ADPRHL1: variants seen among roughly 807,000 people sequenced by gnomAD.
ADPRHL1 encodes ADP-ribosylhydrolase like 1.
Under a neutral mutation model 44.1 loss-of-function variants are expected in ADPRHL1, and 43 were observed. The ratio of observed to expected loss-of-function variants is 0.98; its 90% confidence interval spans 0.76 to 1.26. The LOEUF is 1.26. ADPRHL1 is among the 50% of genes most tolerant of loss of function. The pLI, the probability that ADPRHL1 is intolerant of heterozygous loss-of-function variation, is 0.00. For synonymous variants in ADPRHL1, 878 were observed against 1,017.4 expected (o/e 0.86, Z 2.61); for missense variants, 2,022 against 2,496.9 (o/e 0.81, Z 4.05).
intron 7 of ADPRHL1, among the ~76,000 whole-genome samples, chr13:113,415,620 G>A (rs1277444002): frequency 2.0e-5 from 3 of 152,052 alleles, no homozygotes; most frequent in Admixed American, 6.6e-5. Flanking sequence ...GCACAGTGGT[G>A]TGTACCTGTA....
Position 113,406,133 on chromosome 13 carries a change from G to A in ADPRHL1, c.3149C>T (p.Thr1050Met), listed in dbSNP as rs1319416089. 16 of 1,232,140 alleles carry A rather than the reference G, an allele frequency of 1.3e-5. No homozygotes were observed. In the East Asian group the frequency reaches 3.5e-4, roughly 27 times the overall value. 76.3% of individuals were successfully genotyped at this position (1,232,140 alleles called of 1,614,324 possible). The stretch of plus-strand genomic sequence containing the variant: ...CATCGGGGTGACACCCTCAGGCCCC[G>A]TACGCCCCTTGGATGATGCCGCCAG... Reference protein sequence around the residue: ...TSLAASSKGRTGPEGVTPMGM... With the variant: ...TSLAASSKGRMGPEGVTPMGM... The change falls in exon 8 of 8, where the codon ACG (threonine) becomes ATG (methionine). Residue 1050 changes from threonine (T) to methionine (M), a missense_variant. Transcript: ENST00000612156.
chr13:113,431,830 C>A (rs1278933884), intron 3 of ADPRHL1, among the ~76,000 whole-genome samples: 1 of 151,684 alleles, frequency 6.6e-6, no homozygotes. Context: ...ATTCTCCTGC[C>A]TCAGCCTCCT....
At position 113,412,303 on chromosome 13, in the gene ADPRHL1, G is replaced by C. The variant is rs143504074; in HGVS notation, c.1062-4083C>G. ...CAGCATTCTCCTGCCTCAGCCTCCC[G>C]AGTAGCTGGGACTACAGGCGCCCGC... On this transcript the variant is annotated intron_variant, in intron 7 of 7. Transcript: ENST00000612156. 9.6e-3 allele frequency among the ~76,000 whole-genome samples: 1,464 copies of C among 152,136 alleles called. 48 individuals carry two copies. The highest frequency in any genetic ancestry group is 0.061 in the East Asian group (316 of 5,154).
In ADPRHL1 at chr13:113,441,641, CAT is replaced by C. The variant is rs1214395191; in HGVS notation, c.379+2782_379+2783del. On this transcript the variant is annotated intron_variant, in intron 2 of 7. Coordinates refer to ENST00000612156, the MANE Select transcript of ADPRHL1 (RefSeq NM_001394807.1). This position sits in a 1 kb window ranked among gnomAD's most constrained non-coding sequence, Gnocchi z 6.0. ...TTATCTTTTAAAGATATTTAAATAA[CAT>C]GTTTTAAAATCTTACACATTTCCCC... Among the ~76,000 whole-genome samples, 5 of 152,196 alleles carry C rather than the reference CAT, an allele frequency of 3.3e-5. No homozygotes were observed. The highest frequency in any genetic ancestry group is 9.6e-5 in the African/African-American group (4 of 41,454).
chr13:113,428,212 C>G (rs566235510), intron 4 of ADPRHL1, among the ~76,000 whole-genome samples: 20 of 146,394 alleles, frequency 1.4e-4, no homozygotes, highest in Admixed American at 2.8e-4. Context: ...TCATTGCACT[C>G]CAGCCTGGGT....
Position 113,447,132 on chromosome 13 carries a change from T to C in ADPRHL1, c.215-2543A>G, listed in dbSNP as rs544231071. 5.5e-4 allele frequency among the ~76,000 whole-genome samples: 76 copies of C among 139,234 alleles called. 1 individual carries two copies. In the South Asian group the frequency reaches 7.6e-3, roughly 14 times the overall value. The allele number at this position is 139,234 out of a possible 152,430, so 91.3% of individuals were successfully genotyped here. ...GTGTTGTGTGTGCATGGTGTCTACATGCAAGTTGTATGTGCATGGCGTCTA... is the reference window on the plus strand; with the variant it reads ...GTGTTGTGTGTGCATGGTGTCTACACGCAAGTTGTATGTGCATGGCGTCTA... On this transcript the variant is annotated intron_variant, in intron 1 of 7. Transcript: ENST00000612156.
At chr13:113,438,693 T>C (rs2044078014) in intron 2 of ADPRHL1, among the ~76,000 whole-genome samples, 1 of 152,068 alleles carries the variant, frequency 6.6e-6, no homozygotes, top group Non-Finnish European at 1.5e-5. Flanking sequence ...AAAAAAAAAT[T>C]TCTTTTTTAT....
chr13:113,439,787 C>T (rs899053049), intron 2 of ADPRHL1, among the ~76,000 whole-genome samples: 1 of 152,160 alleles, frequency 6.6e-6, no homozygotes, highest in South Asian at 2.1e-4. Flanking sequence ...ATTTAGATGA[C>T]CTTTCTCCTC....
At chr13:113,451,041 G>A (rs941972882) in intron 1 of ADPRHL1, among the ~76,000 whole-genome samples, 15 of 152,054 alleles carry the variant, frequency 9.9e-5, no homozygotes, top group Admixed American at 5.2e-4. Flanking sequence ...CTGGTAACGG[G>A]CGTCTTCCCA....
intron 2 of ADPRHL1, among the ~76,000 whole-genome samples, chr13:113,435,343 C>T (rs1364133128): frequency 3.1e-5 from 4 of 130,052 alleles, no homozygotes; most frequent in East Asian, 4.9e-4. Flanking sequence ...AGGTGTAGCC[C>T]GTGACCCAGC....
chr13:113,403,512 C>T lies in ADPRHL1; in HGVS notation c.5770G>A (p.Glu1924Lys). ...CTGGACCTCCCGCGACGCTCGGGCT[C>T]CGATGCCTCCATCCTGTCCTGCAGG... is the stretch of plus-strand genomic sequence containing the variant. ...RALQDRMEASEPERRGRSRHL... is the reference protein window; with the variant it reads ...RALQDRMEASKPERRGRSRHL... Residue 1924 changes from glutamate to lysine, a missense_variant, in exon 8 of 8, where the codon GAG (glutamate) becomes AAG (lysine). Around this residue, in one of 8 missense-constraint regions of ADPRHL1, gnomAD observed 205 missense variants for 250.1 expected, o/e 0.82. Coordinates refer to ENST00000612156, the MANE Select transcript of ADPRHL1 (RefSeq NM_001394807.1). 1 of 1,232,050 alleles carries T rather than the reference C, an allele frequency of 8.1e-7. No individual in the cohort carries two copies. Among genetic ancestry groups the T allele is most frequent in the Non-Finnish European group, 1.0e-6 (1 of 988,040 alleles). The allele number at this position is 1,232,050 out of a possible 1,614,324, so 76.3% of individuals were successfully genotyped here.
chr13:113,404,820 C>A lies in ADPRHL1; in HGVS notation c.4462G>T (p.Ala1488Ser), dbSNP rs1334854953. The A allele has an allele frequency of 2.4e-6, 3 of 1,254,296 alleles. No homozygotes were observed. Among genetic ancestry groups the A allele is most frequent in the South Asian group, 7.0e-5 (2 of 28,762 alleles). 77.7% of individuals were successfully genotyped at this position (1,254,296 alleles called of 1,614,324 possible). ...TCCCATTCCTGAACCTGTTTCTGGG[C>A]CTGTCCTTGGGCTGCCGGGCTTCCC... Reference protein sequence around the residue: ...GPGSPAAQGQAQKQVQEWDRG... With the variant: ...GPGSPAAQGQSQKQVQEWDRG... The change falls in exon 8 of 8, where the codon GCC becomes TCC. Residue 1488 changes from alanine to serine, a missense_variant. This residue lies in a region of ADPRHL1 where 1,221 missense variants were observed against 1,517.8 expected (regional missense o/e 0.80). Coordinates refer to ENST00000612156, the MANE Select transcript of ADPRHL1 (RefSeq NM_001394807.1).
At position 113,403,330 on chromosome 13, in the gene ADPRHL1, T is replaced by C; in HGVS notation, c.*48A>G. ...CAGGAAAATGCCTGAAGTCCCTCAATGGGCGGATGTCACAGTGCTGGGCGA... is the reference window on the plus strand; with the variant it reads ...CAGGAAAATGCCTGAAGTCCCTCAACGGGCGGATGTCACAGTGCTGGGCGA... On this transcript the variant is annotated 3_prime_UTR_variant, in exon 8 of 8. Transcript: ENST00000612156. 8.1e-7 allele frequency: 1 copy of C among 1,230,120 alleles called. No homozygotes were observed. Among genetic ancestry groups the C allele is most frequent in the South Asian group, 4.1e-5 (1 of 24,134 alleles). 76.2% of individuals were successfully genotyped at this position (1,230,120 alleles called of 1,614,324 possible). A position where few individuals can be genotyped will look rare whatever the true frequency, so the allele number is the denominator to read the frequency against.
rs549984731 is a variant in ADPRHL1, at chr13:113,408,009, G to A, written c.1273C>T (p.Arg425Trp). ...HQPQTQEATQ[R>W]PTRFQLLQAK... The stretch of plus-strand genomic sequence containing the variant: ...TGCAGGAGCTGGAAGCGCGTGGGCC[G>A]CTGGGTGGCCTCCTGGGTCTGGGGC... The change falls in exon 8 of 8, where the codon CGG becomes TGG. Residue 425 changes from arginine to tryptophan, a missense_variant. Arg to Trp is a moderately radical substitution (Grantham distance 101). Around this residue, in one of 8 missense-constraint regions of ADPRHL1, gnomAD observed 1,221 missense variants for 1,517.8 expected, o/e 0.80. Transcript: ENST00000612156. 219 of 1,232,834 alleles carry A rather than the reference G, an allele frequency of 1.8e-4. 1 individual carries two copies. In the African/African-American group the frequency reaches 3.0e-3, roughly 17 times the overall value. The allele number at this position is 1,232,834 out of a possible 1,614,324, so 76.4% of individuals were successfully genotyped here. A position where few individuals can be genotyped will look rare whatever the true frequency, so the allele number is the denominator to read the frequency against.
At chr13:113,426,363 G>A (rs2043968525) in intron 4 of ADPRHL1, among the ~76,000 whole-genome samples, 1 of 152,256 alleles carries the variant, frequency 6.6e-6, no homozygotes, top group African/African-American at 2.4e-5. Flanking sequence ...GGTGGGAGCC[G>A]TGCAGGCCGC....
chr13:113,424,546 C>T (rs1245183164), intron 5 of ADPRHL1, among the ~76,000 whole-genome samples, 197 bp from the exon 6 acceptor site: 4 of 152,062 alleles, frequency 2.6e-5, no homozygotes, highest in African/African-American at 9.7e-5. Context: ...CCTCCACCTC[C>T]CGGGTTCAAG....
At chr13:113,434,560 A>C (rs2044033804) in intron 2 of ADPRHL1, among the ~76,000 whole-genome samples, 1 of 146,770 alleles carries the variant, frequency 6.8e-6, no homozygotes, top group Non-Finnish European at 1.5e-5. Flanking sequence ...CCCGGCACCC[A>C]GGTGTAGAGT....
intron 1 of ADPRHL1, among the ~76,000 whole-genome samples, chr13:113,447,849 G>T (rs1566483509): frequency 6.6e-6 from 1 of 152,200 alleles, no homozygotes; most frequent in East Asian, 1.9e-4. Context: ...TCTAAACCCA[G>T]TGTGTGCCCC....
Position 113,438,049 on chromosome 13 carries a change from T to G in ADPRHL1, c.380-4182A>C, listed in dbSNP as rs557825689. Reference sequence around the variant, plus strand: ...TTTCACCTTGTTGGCCAGGCTGGTCTTGAACTCCTGACCTCAGGTGATCAG... The same window carrying G: ...TTTCACCTTGTTGGCCAGGCTGGTCGTGAACTCCTGACCTCAGGTGATCAG... On this transcript the variant is annotated intron_variant, in intron 2 of 7. Transcript: ENST00000612156. Among the ~76,000 whole-genome samples, 147 of 152,250 alleles carry G rather than the reference T, an allele frequency of 9.7e-4. 1 individual carries two copies. Among genetic ancestry groups the G allele is most frequent in the African/African-American group, 3.4e-3 (143 of 41,546 alleles).
Sources: gnomAD v4.1 joint callset for allele counts (sites outside exome capture counted in the v4.1 genomes callset) on GRCh38, gnomAD v4.1.1 for gene constraint, gnomAD v4.1.1 regional missense constraint, Gnocchi (gnomAD v3.1) non-coding constraint, MANE v1.5 for transcripts, NCBI Gene and HGNC (gene_info 2026-07-23, HGNC 2026-07-21) for gene names.